Variants in DAB1 observed in about 807,000 individuals in gnomAD.
DAB1 encodes disabled homolog 1.
A neutral mutation model predicts 64.6 loss-of-function variants in DAB1; 15 were observed. The ratio of observed to expected loss-of-function variants is 0.23; its 90% CI spans 0.16 to 0.36. The LOEUF is 0.36. DAB1 is among the 10% of genes least tolerant of loss of function. DAB1 has a pLI of 1.00. For missense variants in DAB1, 596 were observed against 706.7 expected, an observed-to-expected ratio of 0.84 and a Z score of 1.78; for synonymous variants, 235 against 251.9, an observed-to-expected ratio of 0.93 and a Z score of 0.64.
chr1:57,688,385 G>C (rs894533647), intron 6 of DAB1, among the ~76,000 whole-genome samples: 2 of 152,156 alleles, frequency 1.3e-5, no homozygotes, highest in Admixed American at 1.3e-4. Flanking sequence ...ACACCAGTCA[G>C]AATGGCTATT....
chr1:58,410,610 A>C (rs1644658851), intron 3 of DAB1, among the ~76,000 whole-genome samples: 1 of 152,234 alleles, frequency 6.6e-6, no homozygotes, highest in Non-Finnish European at 1.5e-5. Flanking sequence ...GAGAAAACTA[A>C]GACCCGTAAT....
intron 5 of DAB1, among the ~76,000 whole-genome samples, chr1:57,900,551 T>G (rs923374741): frequency 6.6e-6 from 1 of 152,210 alleles, no homozygotes; most frequent in Non-Finnish European, 1.5e-5. Flanking sequence ...AGCGAGACTA[T>G]AGGGGTCATT....
At chr1:58,369,399 T>C (rs1644245509) in intron 3 of DAB1, among the ~76,000 whole-genome samples, 2 of 152,252 alleles carry the variant, frequency 1.3e-5, no homozygotes, top group African/African-American at 4.8e-5. Context: ...TTCTGAGATC[T>C]TGATGAACTT....
intron 3 of DAB1, among the ~76,000 whole-genome samples, chr1:58,482,567 C>T (rs1645506141): frequency 1.3e-5 from 2 of 152,102 alleles, no homozygotes; most frequent in African/African-American, 2.4e-5. Context: ...CTTTCTGATA[C>T]TGATGTGTCT....
intron 3 of DAB1, among the ~76,000 whole-genome samples, chr1:58,450,189 G>A (rs1645116839): frequency 6.6e-6 from 1 of 152,178 alleles, no homozygotes; most frequent in African/African-American, 2.4e-5. Flanking sequence ...AAAAGCAAAT[G>A]ATAGTGGGTG....
At chr1:57,495,940 T>A (rs1644224823) in intron 7 of DAB1, among the ~76,000 whole-genome samples, 1 of 152,202 alleles carries the variant, frequency 6.6e-6, no homozygotes, top group Non-Finnish European at 1.5e-5. Context: ...GTCAAAGGCA[T>A]CTTCTTCATT....
intron 1 of DAB1, among the ~76,000 whole-genome samples, chr1:57,829,096 C>A (rs187903901): frequency 1.3e-3 from 203 of 152,220 alleles, no homozygotes; most frequent in African/African-American, 4.7e-3. Flanking sequence ...ACCCCTAAAG[C>A]ATTCACCTTG....
At chr1:57,358,823 A>G (rs1037805180) in intron 1 of DAB1, among the ~76,000 whole-genome samples, 3 of 152,082 alleles carry the variant, frequency 2.0e-5, no homozygotes, top group African/African-American at 7.2e-5. Flanking sequence ...AAATAAATCC[A>G]TGCATTTATA....
In DAB1 at chr1:57,795,756, C is replaced by A. The variant is rs1269891448; in HGVS notation, n.551+88243G>T. Among the ~76,000 whole-genome samples the A allele has an allele frequency of 2.5e-5, 3 of 120,886 alleles. No individual in the cohort carries two copies. In the East Asian group the frequency reaches 9.1e-4, roughly 37 times the overall value. The allele number at this position is 120,886 out of a possible 152,430, so 79.3% of individuals were successfully genotyped here. ...ATATCATACACATGTATTTCAGCAA[C>A]ATGATATAGTGGGAGAAATACTAGT... On this transcript the variant is annotated intron_variant and non_coding_transcript_variant, in intron 6 of 20. Coordinates refer to the DAB1 transcript ENST00000485760.
chr1:58,013,893 C>CT (rs11340354), intron 5 of DAB1, among the ~76,000 whole-genome samples: 1 of 137,050 alleles, frequency 7.3e-6, no homozygotes, highest in African/African-American at 2.7e-5. Flanking sequence ...TTCTTTTTTT[C>CT]TTTTTTTTTT....
chr1:58,002,530 T>C (rs1235449742), intron 5 of DAB1, among the ~76,000 whole-genome samples: 1 of 152,232 alleles, frequency 6.6e-6, no homozygotes, highest in Non-Finnish European at 1.5e-5. Flanking sequence ...ATACAGGTTC[T>C]GGCTTATGGC....
At chr1:57,929,963 T>A (rs1375300482) in intron 5 of DAB1, among the ~76,000 whole-genome samples, 2 of 152,176 alleles carry the variant, frequency 1.3e-5, no homozygotes, top group African/African-American at 4.8e-5. Flanking sequence ...GGGGACTAAA[T>A]TTCAACTTGA....
intron 14 of DAB1, among the ~76,000 whole-genome samples, chr1:57,000,250 C>T (rs930602311): frequency 2.6e-5 from 4 of 151,916 alleles, no homozygotes; most frequent in Admixed American, 6.6e-5. Flanking sequence ...TTCACTGTGT[C>T]AGCCAGGATG....
intron 6 of DAB1, among the ~76,000 whole-genome samples, chr1:57,761,265 A>G (rs1030728079): frequency 1.3e-5 from 2 of 152,222 alleles, no homozygotes; most frequent in African/African-American, 4.8e-5. Flanking sequence ...GAACTAGAAG[A>G]CATCAGGTTT....
chr1:57,453,671 G>A lies in DAB1; in HGVS notation n.626-162505C>T, dbSNP rs1415735121. On this transcript the variant is annotated intron_variant and non_coding_transcript_variant, in intron 7 of 20. Transcript: ENST00000485760. ...AGAAATTAATTTTCTCATTTAATCA[G>A]CTTCTTTGTTAATTCAACCATAAAT... Among the ~76,000 whole-genome samples, 3 of 152,200 alleles carry A rather than the reference G, an allele frequency of 2.0e-5. No individual in the cohort carries two copies. In the East Asian group the frequency reaches 5.8e-4, roughly 29 times the overall value.
At chr1:57,096,363 A>G (rs1654164456) in intron 4 of DAB1, among the ~76,000 whole-genome samples, 2 of 152,152 alleles carry the variant, frequency 1.3e-5, no homozygotes, top group South Asian at 2.1e-4. Context: ...AAAACTCACG[A>G]GTCCAATAAT....
At chr1:57,328,515 A>G (rs1384031559) in intron 1 of DAB1, among the ~76,000 whole-genome samples, 1 of 152,204 alleles carries the variant, frequency 6.6e-6, no homozygotes, top group Non-Finnish European at 1.5e-5. Context: ...TGTATTTTGC[A>G]GTAGGGAAGC....
At chr1:58,520,630 T>C (rs1412709599) in intron 2 of DAB1, among the ~76,000 whole-genome samples, 2 of 151,922 alleles carry the variant, frequency 1.3e-5, no homozygotes, top group Non-Finnish European at 2.9e-5. Context: ...TATTAAAGAT[T>C]TACCATGCAA....
intron 7 of DAB1, among the ~76,000 whole-genome samples, chr1:57,518,671 G>T (rs1019017268): frequency 6.6e-6 from 1 of 152,030 alleles, no homozygotes; most frequent in African/African-American, 2.4e-5. Flanking sequence ...CTGCTTTGGC[G>T]TCAGTAGAGT....
Sources: gnomAD v4.1 joint callset for allele counts (sites outside exome capture counted in the v4.1 genomes callset) on GRCh38, gnomAD v4.1.1 for gene constraint, MANE v1.5 for transcripts, NCBI Gene and HGNC (gene_info 2026-07-23, HGNC 2026-07-21) for gene names.